PCDHGA1: variants seen among roughly 807,000 people sequenced by gnomAD.
PCDHGA1 encodes protocadherin gamma subfamily A, 1.
Under a neutral mutation model 58.0 loss-of-function variants are expected in PCDHGA1, and 32 were observed. The observed-to-expected ratio is 0.55, with a 90% CI of 0.42 to 0.74. The LOEUF (loss-of-function observed/expected upper bound fraction) is 0.74, where lower values mean the gene tolerates loss of function less well. PCDHGA1 is among the 30% of genes least tolerant of loss of function. PCDHGA1 has a pLI of 0.00. For synonymous variants in PCDHGA1, 498 were observed against 501.1 expected (o/e 0.99, Z 0.08); for missense variants, 1,205 against 1,182.3 (o/e 1.02, Z -0.28).
At chr5:141,365,771 A>T in intron 1 of PCDHGA1, 1 of 1,613,880 alleles carries the variant, frequency 6.2e-7, no homozygotes, top group South Asian at 1.1e-5. Context: ...TGACCCCGAC[A>T]GCGGCGACAA....
chr5:141,359,594 A>C (rs1761263639), intron 1 of PCDHGA1, among the ~76,000 whole-genome samples: 1 of 151,908 alleles, frequency 6.6e-6, no homozygotes, highest in Non-Finnish European at 1.5e-5. Flanking sequence ...ACAACTAAAA[A>C]AGCAATGTGC....
At chr5:141,463,650 A>G (rs1206605758) in intron 1 of PCDHGA1, among the ~76,000 whole-genome samples, 1 of 151,746 alleles carries the variant, frequency 6.6e-6, no homozygotes, top group South Asian at 2.1e-4. Flanking sequence ...ACGGGGTTTC[A>G]CCGTGTTAGC....
intron 1 of PCDHGA1, chr5:141,422,123 C>A: frequency 6.2e-7 from 1 of 1,601,290 alleles, no homozygotes; most frequent in South Asian, 1.1e-5. Context: ...GATTCACAAA[C>A]TGGAGAAGTT....
rs1365133001 is a variant in PCDHGA1 at position 141,477,683 on chromosome 5, G to A, written c.2422-17124G>A. ...TGACAATGGCATAGTGTCATCCTTA[G>A]TGCCCCTAGACTATGAGGATCGGCG... On this transcript the variant is annotated intron_variant, in intron 1 of 3. Transcript: ENST00000517417. This position sits in a 1 kb window ranked among gnomAD's most constrained non-coding sequence, Gnocchi z 4.9. 1.2e-6 allele frequency: 2 copies of A among 1,614,176 alleles called. No homozygotes were observed. The highest frequency in any genetic ancestry group is 3.3e-5 in the Admixed American group (2 of 60,028).
At chr5:141,386,087 A>G (rs1331014845) in intron 1 of PCDHGA1, 2 of 152,268 alleles carry the variant, frequency 1.3e-5, no homozygotes, top group Non-Finnish European at 2.9e-5. Context: ...TGGTACAGCC[A>G]GATGAAGTGT....
chr5:141,355,703 AG>A, intron 1 of PCDHGA1: 1 of 1,614,000 alleles, frequency 6.2e-7, no homozygotes, highest in Non-Finnish European at 8.5e-7. Context: ...AACTCCCTGC[AG>A]GGTTACCAGC....
Position 141,494,855 on chromosome 5 carries a change from G to A in PCDHGA1, c.2470G>A (p.Gly824Ser), listed in dbSNP as rs200418116. The A allele has an allele frequency of 4.8e-4, 774 of 1,614,092 alleles. 7 individuals carry two copies. The South Asian group carries it at 5.1e-3, about 11-fold the overall frequency. ...GCGTTTCTCTCAGGCCCAGAGACCC[G>A]GCACCAGCGGGTAGGTGACTGATTC... is the stretch of plus-strand genomic sequence containing the variant. ...DWRFSQAQRP[G>S]TSGSQNGDDT... Residue 824 changes from glycine (G) to serine (S), a missense_variant, in exon 2 of 4, where the codon GGC becomes AGC. Coordinates refer to ENST00000517417, the MANE Select transcript of PCDHGA1 (RefSeq NM_018912.3).
chr5:141,479,269 A>C (rs1279389471), intron 1 of PCDHGA1: 1 of 152,374 alleles, frequency 6.6e-6, no homozygotes, highest in Non-Finnish European at 1.5e-5. Context: ...TAAAAGTAAT[A>C]ATTTATTTCA....
rs1285129755 is a variant in PCDHGA1 at position 141,350,449 on chromosome 5, A to C, written c.2421+17344A>C. The C allele has an allele frequency of 1.2e-6, 2 of 1,610,634 alleles. No homozygotes were observed. Among genetic ancestry groups the C allele is most frequent in the African/African-American group, 2.7e-5 (2 of 74,816 alleles). The stretch of plus-strand genomic sequence containing the variant: ...GTGTCCGGGAGTTGCCAACTCGAAA[A>C]CTGCGGGTTAGTGCAGAGGATTATT... On this transcript the variant is annotated intron_variant, in intron 1 of 3. Coordinates refer to ENST00000517417, the MANE Select transcript of PCDHGA1 (RefSeq NM_018912.3).
chr5:141,330,652 T>C lies in PCDHGA1; in HGVS notation c.-33T>C. 3 of 1,569,234 alleles carry C rather than the reference T, an allele frequency of 1.9e-6. No homozygotes were observed. The highest frequency in any genetic ancestry group is 2.6e-6 in the Non-Finnish European group (3 of 1,156,892). On this transcript the variant is annotated 5_prime_UTR_variant, in exon 1 of 4. Coordinates refer to ENST00000517417, the MANE Select transcript of PCDHGA1 (RefSeq NM_018912.3). ...AAAGCAGAAACGATACCCTTGGTACTGGACTGGAAGAAAACTACGAAGTGA... is the reference window on the plus strand; with the variant it reads ...AAAGCAGAAACGATACCCTTGGTACCGGACTGGAAGAAAACTACGAAGTGA...
chr5:141,498,672 C>T (rs1034911993), intron 2 of PCDHGA1, among the ~76,000 whole-genome samples: 3 of 152,218 alleles, frequency 2.0e-5, no homozygotes, highest in South Asian at 4.1e-4. Context: ...TGGCTCACGC[C>T]TGTAATCCCA....
chr5:141,371,081 G>A, intron 1 of PCDHGA1: 1 of 1,613,852 alleles, frequency 6.2e-7, no homozygotes, highest in Non-Finnish European at 8.5e-7. Context: ...CCCAGATCAG[G>A]GTAATTGTCG....
At chr5:141,402,854 C>T (rs1589466051) in intron 1 of PCDHGA1, 2 of 1,423,530 alleles carry the variant, frequency 1.4e-6, no homozygotes, top group East Asian at 2.5e-5. Flanking sequence ...CCTCTTTCTT[C>T]TAAGGAAAAG....
chr5:141,455,047 C>T (rs2098811276), intron 1 of PCDHGA1, among the ~76,000 whole-genome samples: 1 of 150,004 alleles, frequency 6.7e-6, no homozygotes, highest in African/African-American at 2.5e-5. Context: ...CTCCTGACCT[C>T]GTGATCCGCC....
chr5:141,508,826 C>T (rs2099872187), intron 3 of PCDHGA1, among the ~76,000 whole-genome samples: 1 of 152,092 alleles, frequency 6.6e-6, no homozygotes, highest in South Asian at 2.1e-4. Context: ...AGATCTGGGC[C>T]CCCCTCCCCT....
At chr5:141,506,092 G>A (rs1595997534) in intron 3 of PCDHGA1, among the ~76,000 whole-genome samples, 1 of 152,142 alleles carries the variant, frequency 6.6e-6, no homozygotes, top group Admixed American at 6.6e-5. Flanking sequence ...TTCGGCTAGT[G>A]GTGGTTGTCC....
intron 1 of PCDHGA1, chr5:141,427,241 T>C (rs1381559575): frequency 4.4e-6 from 2 of 456,696 alleles, no homozygotes; most frequent in Admixed American, 2.3e-5. Flanking sequence ...GAGTAGAAGC[T>C]AAGGATGGTG....
In PCDHGA1 at chr5:141,408,415, G is replaced by A. The variant is rs554066897; in HGVS notation, c.2421+75310G>A. The A allele has an allele frequency of 1.8e-5, 29 of 1,614,074 alleles. 1 individual carries two copies. In the South Asian group the frequency reaches 2.9e-4, roughly 16 times the overall value. On this transcript the variant is annotated intron_variant, in intron 1 of 3. Coordinates refer to ENST00000517417, the MANE Select transcript of PCDHGA1 (RefSeq NM_018912.3). Reference sequence around the variant, plus strand: ...CTCGCAAGCTGCGAGTGAGCGCGGAGAAGCTGCACTTCAGCGTAGACGCGG... The same window carrying A: ...CTCGCAAGCTGCGAGTGAGCGCGGAAAAGCTGCACTTCAGCGTAGACGCGG...
chr5:141,351,777 A>G, intron 1 of PCDHGA1: 1 of 1,613,470 alleles, frequency 6.2e-7, no homozygotes, highest in East Asian at 2.2e-5. Context: ...GTGAGCCCGC[A>G]GAGCGGGGTG....
Sources: gnomAD v4.1 joint callset for allele counts (sites outside exome capture counted in the v4.1 genomes callset) on GRCh38, gnomAD v4.1.1 for gene constraint, Gnocchi (gnomAD v3.1) non-coding constraint, MANE v1.5 for transcripts, NCBI Gene and HGNC (gene_info 2026-07-23, HGNC 2026-07-21) for gene names.